The following ESR2 variants were observed in gnomAD, a reference collection of about 807,000 sequenced individuals.
ESR2 encodes estrogen receptor 2.
In ESR2, 36 loss-of-function variants were observed where a neutral mutation model predicts 49.6. That is an observed-to-expected ratio of 0.73 (90% CI 0.56 to 0.96). The LOEUF (loss-of-function observed/expected upper bound fraction) is 0.96, where lower values mean the gene tolerates loss of function less well. ESR2 is among the 40% of genes least tolerant of loss of function. The pLI, the probability that ESR2 is intolerant of heterozygous loss-of-function variation, is 0.00. For synonymous variants in ESR2, 320 were observed against 266.1 expected (o/e 1.20, Z -1.97); for missense variants, 714 against 693.0 (o/e 1.03, Z -0.34).
chr14:64,235,773 C>T (rs1416470722), intron 7 of ESR2, among the ~76,000 whole-genome samples: 3 of 152,132 alleles, frequency 2.0e-5, no homozygotes, highest in African/African-American at 4.8e-5. Context: ...CACTGAGCAA[C>T]GCATGCAGGA....
chr14:64,286,964 G>T (rs1454427523), intron 1 of ESR2, among the ~76,000 whole-genome samples: 1 of 151,496 alleles, frequency 6.6e-6, no homozygotes. Context: ...TGATCTGCCC[G>T]CCTTAGCCTC....
intron 1 of ESR2, among the ~76,000 whole-genome samples, chr14:64,317,071 C>G (rs1272038104): frequency 6.6e-6 from 1 of 152,072 alleles, no homozygotes; most frequent in East Asian, 1.9e-4. Context: ...TCAAGACCAA[C>G]CTGACCAACA....
At chr14:64,323,854 G>A (rs549418548) in intron 1 of ESR2, among the ~76,000 whole-genome samples, 4 of 152,106 alleles carry the variant, frequency 2.6e-5, no homozygotes, top group Non-Finnish European at 5.9e-5. Flanking sequence ...ACTACACCTG[G>A]CTAATTTTTG....
At chr14:64,330,974 C>CAAGAACA (rs566589867) in intron 1 of ESR2, 8 of 149,316 alleles carry the variant, frequency 5.4e-5, no homozygotes, top group Non-Finnish European at 1.2e-4. Context: ...CTAATTATTA[C>CAAGAACA]AAGAACAAAG....
At position 64,294,105 on chromosome 14, in the gene ESR2, T is replaced by A. The variant is rs1050317598; in HGVS notation, c.-163A>T. On this transcript the variant is annotated 5_prime_UTR_variant, in exon 1 of 9. Transcript: ENST00000341099. ...TGCTTTTCCCGCATTAGGGGGGGTC[T>A]CCCGGCGCGCGCCCCGCCGCCACCT... is the stretch of plus-strand genomic sequence containing the variant. 5.3e-5 allele frequency: 8 copies of A among 152,346 alleles called. No individual in the cohort carries two copies. The highest frequency in any genetic ancestry group is 1.9e-4 in the African/African-American group (8 of 41,448). The allele number at this position is 152,346 out of a possible 1,614,324, so 9.4% of individuals were successfully genotyped here. A position where few individuals can be genotyped will look rare whatever the true frequency, so the allele number is the denominator to read the frequency against.
In ESR2 at chr14:64,291,782, ACT is replaced by A. The variant is rs1191509928; in HGVS notation, c.-91+2249_-91+2250del. On this transcript the variant is annotated intron_variant, in intron 1 of 8. Transcript: ENST00000341099. ...TATTTTACCTTCAGCAATTGTAATC[ACT>A]CTGCATTTTAAATGTCTTCAATTTG... 2.0e-5 allele frequency among the ~76,000 whole-genome samples: 3 copies of A among 151,716 alleles called. No homozygotes were observed. The East Asian group carries it at 5.8e-4, about 29-fold the overall frequency.
chr14:64,334,677 G>A (rs561562620), intron 1 of ESR2, among the ~76,000 whole-genome samples: 32 of 152,304 alleles, frequency 2.1e-4, no homozygotes, highest in African/African-American at 6.7e-4. Flanking sequence ...TGAGACATTT[G>A]CTCTTGTTGC....
At chr14:64,327,068 T>A (rs2077398587) in intron 1 of ESR2, among the ~76,000 whole-genome samples, 1 of 152,222 alleles carries the variant, frequency 6.6e-6, no homozygotes, top group Non-Finnish European at 1.5e-5. Flanking sequence ...CATGGTTCCT[T>A]GTCCTTTCAT....
intron 7 of ESR2, 88 bp from the exon 8 acceptor site, chr14:64,235,238 G>T: frequency 1.4e-6 from 2 of 1,413,204 alleles, no homozygotes; most frequent in African/African-American, 1.4e-5. Flanking sequence ...CTGCTCCGAG[G>T]TGATCTGGGT....
chr14:64,280,479 A>C, intron 2 of ESR2, among the ~76,000 whole-genome samples: 1 of 152,164 alleles, frequency 6.6e-6, no homozygotes, highest in East Asian at 1.9e-4. Flanking sequence ...TAATGAAAGG[A>C]GTGGCCAGAT....
At position 64,268,867 on chromosome 14, in the gene ESR2, C is replaced by A. The variant is rs145278854; in HGVS notation, c.580G>T (p.Asp194Tyr). 1 of 1,613,572 alleles carries A rather than the reference C, an allele frequency of 6.2e-7. No individual in the cohort carries two copies. Among genetic ancestry groups the A allele is most frequent in the East Asian group, 2.2e-5 (1 of 44,878 alleles). ...TGGCAGCTCTTGCGCCGGTTTTTATCGATTGTACACTGATTTGTAGCTGGA... is the reference window on the plus strand; with the variant it reads ...TGGCAGCTCTTGCGCCGGTTTTTATAGATTGTACACTGATTTGTAGCTGGA... ...ICPATNQCTIDKNRRKSCQAC... is the reference protein window; with the variant it reads ...ICPATNQCTIYKNRRKSCQAC... Residue 194 changes from aspartate to tyrosine, a missense_variant, in exon 4 of 9, where the codon GAT (aspartate) becomes TAT (tyrosine). Physicochemically the swap from Asp to Tyr is radical, Grantham distance 160. Coordinates refer to ENST00000341099, the MANE Select transcript of ESR2 (RefSeq NM_001437.3).
chr14:64,279,715 G>A (rs1272002885), intron 3 of ESR2, among the ~76,000 whole-genome samples: 1 of 152,200 alleles, frequency 6.6e-6, no homozygotes, highest in South Asian at 2.1e-4. Flanking sequence ...GTTGTAACTC[G>A]ATGTCTTCTA....
intron 7 of ESR2, 65 bp from the exon 8 acceptor site, chr14:64,235,215 C>G (rs2075569577): frequency 6.5e-7 from 1 of 1,537,404 alleles, no homozygotes; most frequent in South Asian, 1.2e-5. Context: ...GTGTGCTCAG[C>G]TGTTCCGTGC....
intron 4 of ESR2, among the ~76,000 whole-genome samples, chr14:64,262,110 CT>C (rs869146485): frequency 0.17 from 23,616 of 136,066 alleles, 2,051 homozygotes; most frequent in Non-Finnish European, 0.2. Flanking sequence ...TTTGGATTTA[CT>C]TTTTTTTTTT....
intron 4 of ESR2, among the ~76,000 whole-genome samples, chr14:64,264,622 G>C (rs2076288816): frequency 6.6e-6 from 1 of 152,048 alleles, no homozygotes; most frequent in South Asian, 2.1e-4. Context: ...TAATCCCCCA[G>C]CACTTTGAGA....
rs1260266646 is a variant in ESR2 at position 64,229,463 on chromosome 14, G to T, written c.*3674C>A. Among the ~76,000 whole-genome samples the T allele has an allele frequency of 6.6e-6, 1 of 152,182 alleles. No homozygotes were observed. The highest frequency in any genetic ancestry group is 1.5e-5 in the Non-Finnish European group (1 of 68,034). On this transcript the variant is annotated 3_prime_UTR_variant, in exon 9 of 9. Coordinates refer to ENST00000341099, the MANE Select transcript of ESR2 (RefSeq NM_001437.3). Reference sequence around the variant, plus strand: ...GTGGAGTTGAACTTTGATGTGAGAGGTTTACAAACTTACTGTGTCTGTAGG... The same window carrying T: ...GTGGAGTTGAACTTTGATGTGAGAGTTTTACAAACTTACTGTGTCTGTAGG...
rs2098725693 is a variant in ESR2 at position 64,229,985 on chromosome 14, C to A, written c.*3152G>T. 6.6e-6 allele frequency among the ~76,000 whole-genome samples: 1 copy of A among 151,792 alleles called. No homozygotes were observed. The highest frequency in any genetic ancestry group is 1.5e-5 in the Non-Finnish European group (1 of 67,984). On this transcript the variant is annotated 3_prime_UTR_variant, in exon 9 of 9. Coordinates refer to ENST00000341099, the MANE Select transcript of ESR2 (RefSeq NM_001437.3). ...CTGGAGCCCAGGAGTTCAGGACCAG[C>A]CTGGGGAGCATAGTAAAACCCCATC...
chr14:64,227,372 T>G (rs1269111018), downstream of ESR2: 3 of 729,806 alleles, frequency 4.1e-6, no homozygotes, highest in Non-Finnish European at 6.6e-6. Context: ...GTTGGATTGA[T>G]AATAGAAAGG....
intron 1 of ESR2, among the ~76,000 whole-genome samples, chr14:64,285,859 A>AAG (rs1005800996): frequency 1.3e-5 from 2 of 151,940 alleles, no homozygotes; most frequent in Non-Finnish European, 2.9e-5. Context: ...GAAAAAGAAA[A>AAG]AAAAAAGGAA....
Sources: gnomAD v4.1 joint callset for allele counts (sites outside exome capture counted in the v4.1 genomes callset) on GRCh38, gnomAD v4.1.1 for gene constraint, MANE v1.5 for transcripts, NCBI Gene and HGNC (gene_info 2026-07-23, HGNC 2026-07-21) for gene names.